The following METTL15 variants were observed in gnomAD, a reference collection of about 807,000 sequenced individuals.
METTL15 encodes methyltransferase 15, mitochondrial 12S rRNA N4-cytidine.
A neutral mutation model predicts 38.3 loss-of-function variants in METTL15; 34 were observed. That is an observed-to-expected ratio of 0.89 (90% confidence interval 0.68 to 1.18). METTL15 has a LOEUF of 1.18. METTL15 is among the 50% of genes most tolerant of loss of function. The probability of loss-of-function intolerance (pLI) is 0.00; values close to 1 mark genes in which losing one functional copy is unlikely to be tolerated. For synonymous variants in METTL15, 162 were observed against 170.9 expected (o/e 0.95, Z 0.41); for missense variants, 438 against 498.4 (o/e 0.88, Z 1.15).
At chr11:28,161,821 T>C (rs1340996693) in intron 3 of METTL15, among the ~76,000 whole-genome samples, 2 of 152,132 alleles carry the variant, frequency 1.3e-5, no homozygotes, top group African/African-American at 4.8e-5. Context: ...AAGGCACTGT[T>C]GATGGAAATA....
intron 4 of METTL15, among the ~76,000 whole-genome samples, chr11:28,254,474 G>A (rs939744276): frequency 1.3e-5 from 2 of 152,088 alleles, no homozygotes; most frequent in Non-Finnish European, 2.9e-5. Context: ...CTGTGCAGAA[G>A]CTTTTTAACT....
intron 6 of METTL15, among the ~76,000 whole-genome samples, chr11:28,464,132 TC>T (rs768813375): frequency 3.3e-5 from 5 of 152,178 alleles, no homozygotes; most frequent in Non-Finnish European, 5.9e-5. Flanking sequence ...TTATTTCACT[TC>T]AGTTGTGGTA....
At chr11:28,161,176 G>T (rs1436217786) in intron 3 of METTL15, among the ~76,000 whole-genome samples, 1 of 147,772 alleles carries the variant, frequency 6.8e-6, no homozygotes, top group Non-Finnish European at 1.5e-5. Context: ...AGTCTGGAGT[G>T]CAGGGTTACA....
intron 4 of METTL15, among the ~76,000 whole-genome samples, chr11:28,276,043 A>G (rs1293266320): frequency 6.6e-6 from 1 of 152,088 alleles, no homozygotes; most frequent in Non-Finnish European, 1.5e-5. Context: ...TTACAAGACA[A>G]AGATGCTCAC....
chr11:28,288,116 A>G (rs1856359413), intron 4 of METTL15, among the ~76,000 whole-genome samples: 1 of 152,186 alleles, frequency 6.6e-6, no homozygotes, highest in Non-Finnish European at 1.5e-5. Context: ...ACAATGAGAT[A>G]TCGCCTCACA....
intron 4 of METTL15, among the ~76,000 whole-genome samples, chr11:28,240,655 A>G (rs1418411778): frequency 6.6e-6 from 1 of 152,188 alleles, no homozygotes; most frequent in African/African-American, 2.4e-5. Context: ...AAATATGCCT[A>G]ATCTTTTAAA....
At chr11:28,337,514 C>A (rs1273946230), downstream of METTL15, among the ~76,000 whole-genome samples, 2 of 151,964 alleles carry the variant, frequency 1.3e-5, no homozygotes, top group African/African-American at 4.8e-5. Context: ...CCACACCCAG[C>A]CAGAAAAATA....
rs150198777 is a variant in METTL15 at position 28,247,373 on chromosome 11, C to T, written c.407+36175C>T. ...TACATATTTGAAATTGTAGATATTG[C>T]CACAGTTAGACAATTTATAATAACA... On this transcript the variant is annotated intron_variant, in intron 4 of 6. Coordinates refer to ENST00000407364, the MANE Select transcript of METTL15 (RefSeq NM_001113528.2). Among the ~76,000 whole-genome samples, 1,121 of 152,084 alleles carry T rather than the reference C, an allele frequency of 7.4e-3. 3 individuals are homozygous for T. The highest frequency in any genetic ancestry group is 0.01 in the Middle Eastern group (3 of 294).
At chr11:28,238,182 T>C (rs1285404582) in intron 4 of METTL15, among the ~76,000 whole-genome samples, 1 of 152,150 alleles carries the variant, frequency 6.6e-6, no homozygotes, top group East Asian at 1.9e-4. Flanking sequence ...TGCTGTCTTT[T>C]TGTTTGTCTG....
At chr11:28,166,689 C>G (rs564977217) in intron 3 of METTL15, among the ~76,000 whole-genome samples, 1 of 152,286 alleles carries the variant, frequency 6.6e-6, no homozygotes, top group South Asian at 2.1e-4. Context: ...GTGGCTCATG[C>G]CTGTAACCTC....
intron 5 of METTL15, among the ~76,000 whole-genome samples, chr11:28,367,277 G>A (rs1850195667): frequency 6.7e-6 from 1 of 149,710 alleles, no homozygotes; most frequent in Non-Finnish European, 1.5e-5. Context: ...AGATACTGCA[G>A]GAAAAAAGAT....
intron 5 of METTL15, among the ~76,000 whole-genome samples, chr11:28,413,860 G>C (rs1836177845): frequency 6.6e-6 from 1 of 152,122 alleles, no homozygotes; most frequent in African/African-American, 2.4e-5. Flanking sequence ...CTTTTCCGTG[G>C]TCCCTCTAAT....
At chr11:28,170,171 T>C (rs1340611435) in intron 3 of METTL15, among the ~76,000 whole-genome samples, 1 of 152,168 alleles carries the variant, frequency 6.6e-6, no homozygotes, top group Non-Finnish European at 1.5e-5. Context: ...AATAGGTTGC[T>C]CAGAACCAAG....
intron 4 of METTL15, among the ~76,000 whole-genome samples, chr11:28,270,550 A>C (rs1198180491): frequency 6.6e-6 from 1 of 152,202 alleles, no homozygotes; most frequent in African/African-American, 2.4e-5. Flanking sequence ...CAGAACAACC[A>C]GGGTTAGAAT....
At chr11:28,480,090 T>C (rs1851382910) in intron 6 of METTL15, among the ~76,000 whole-genome samples, 1 of 152,262 alleles carries the variant, frequency 6.6e-6, no homozygotes, top group Admixed American at 6.5e-5. Flanking sequence ...GCTTATTTCC[T>C]GAATTAGATA....
chr11:28,188,137 A>T (rs1032025406), intron 3 of METTL15, among the ~76,000 whole-genome samples: 7 of 151,270 alleles, frequency 4.6e-5, no homozygotes, highest in Admixed American at 2.6e-4. Context: ...TCACATTACA[A>T]AATTTTATCC....
chr11:28,204,435 C>CTT (rs59729387), intron 3 of METTL15, among the ~76,000 whole-genome samples: 3,540 of 79,384 alleles, frequency 0.045, 441 homozygotes, highest in Non-Finnish European at 0.051. Flanking sequence ...CTGAGTTTTC[C>CTT]TTTTTTTTTT....
At chr11:28,218,271 C>T (rs1277595811) in intron 4 of METTL15, among the ~76,000 whole-genome samples, 1 of 152,160 alleles carries the variant, frequency 6.6e-6, no homozygotes, top group Non-Finnish European at 1.5e-5. Flanking sequence ...AGAAGTGCTT[C>T]ACATCCCTTG....
intron 6 of METTL15, among the ~76,000 whole-genome samples, chr11:28,449,833 C>T (rs1257707620): frequency 1.3e-5 from 2 of 152,050 alleles, no homozygotes; most frequent in East Asian, 1.9e-4. Flanking sequence ...GGAGAAGAGC[C>T]CAGCCGAGAT....
Sources: allele counts gnomAD v4.1 joint callset (sites outside exome capture counted in the v4.1 genomes callset), GRCh38; gene constraint gnomAD v4.1.1; transcripts MANE v1.5; gene names NCBI Gene and HGNC (gene_info 2026-07-23, HGNC 2026-07-21).